The following SEC24D variants were observed in gnomAD, a reference collection of about 807,000 sequenced individuals.
SEC24D encodes SEC24 homolog D, COPII component, also known as protein transport protein Sec24D.
SEC24D carries 69 observed loss-of-function variants against 116.9 expected under a neutral mutation model. The ratio of observed to expected loss-of-function variants is 0.59; its 90% confidence interval spans 0.49 to 0.72. SEC24D has a LOEUF of 0.72. Among genes scored for constraint, SEC24D ranks in the 30% least tolerant of loss-of-function variants. SEC24D has a pLI of 0.00. For missense variants in SEC24D, 1,131 were observed against 1,264.1 expected (o/e 0.89, Z 1.60); for synonymous variants, 405 against 442.8 (o/e 0.91, Z 1.07).
At chr4:118,728,356 T>C (rs1378800665) in intron 22 of SEC24D, among the ~76,000 whole-genome samples, 2 of 152,198 alleles carry the variant, frequency 1.3e-5, no homozygotes, top group African/African-American at 2.4e-5. Context: ...TAACCCATGG[T>C]AATAGCCATT....
intron 20 of SEC24D, among the ~76,000 whole-genome samples, chr4:118,732,450 A>G (rs892156670): frequency 2.6e-5 from 4 of 152,112 alleles, no homozygotes; most frequent in African/African-American, 9.7e-5. Context: ...AGAGCTGACA[A>G]TTATTTTAAC....
chr4:118,820,102 C>T (rs1471297065), intron 3 of SEC24D, among the ~76,000 whole-genome samples: 1 of 150,848 alleles, frequency 6.6e-6, no homozygotes, highest in Non-Finnish European at 1.5e-5. Flanking sequence ...AAATGGCTAA[C>T]AAACCCCTCA....
rs534855763 is a variant in SEC24D, at chr4:118,741,990, T to C, written c.1996-953A>G. On this transcript the variant is annotated intron_variant, in intron 15 of 22. Transcript: ENST00000280551. ...GGCAGCATAGGCAACATTAACACTC[T>C]TTTATTATAAAATATTTTACTGCCT... 1.6e-4 allele frequency among the ~76,000 whole-genome samples: 24 copies of C among 152,320 alleles called. No individual in the cohort carries two copies. The South Asian group carries it at 3.5e-3, about 22-fold the overall frequency.
chr4:118,825,038 A>G (rs1730542506), intron 2 of SEC24D, among the ~76,000 whole-genome samples: 1 of 152,252 alleles, frequency 6.6e-6, no homozygotes, highest in African/African-American at 2.4e-5. Flanking sequence ...GCACCTTGAT[A>G]AAGTATATTA....
At chr4:118,736,542 T>C in intron 19 of SEC24D, 1 of 322,030 alleles carries the variant, frequency 3.1e-6, no homozygotes, top group Non-Finnish European at 6.0e-6. Context: ...TCTCTCCATC[T>C]TCATAGATAT....
chr4:118,741,175 C>T, intron 15 of SEC24D, 138 bp from the exon 16 acceptor site: 1 of 475,360 alleles, frequency 2.1e-6, no homozygotes, highest in Non-Finnish European at 3.7e-6. Flanking sequence ...TATTATGCTT[C>T]TTTGGTTAAA....
chr4:118,802,995 A>C (rs910085294), intron 7 of SEC24D, among the ~76,000 whole-genome samples: 4 of 152,214 alleles, frequency 2.6e-5, no homozygotes, highest in Non-Finnish European at 5.9e-5. Flanking sequence ...CAGACAGAAA[A>C]GGGCAAATAT....
intron 8 of SEC24D, among the ~76,000 whole-genome samples, chr4:118,772,775 G>A (rs949584114): frequency 1.1e-4 from 16 of 152,192 alleles, no homozygotes; most frequent in Admixed American, 4.6e-4. Context: ...AGTACACTGC[G>A]ATGAAGAAAA....
chr4:118,788,676 T>C (rs1365513995), intron 8 of SEC24D, among the ~76,000 whole-genome samples: 1 of 152,242 alleles, frequency 6.6e-6, no homozygotes, highest in East Asian at 1.9e-4. Context: ...TGAACAGGGT[T>C]ATAAATGAAG....
chr4:118,789,482 T>C (rs1337580421), intron 8 of SEC24D, among the ~76,000 whole-genome samples: 1 of 152,260 alleles, frequency 6.6e-6, no homozygotes, highest in Non-Finnish European at 1.5e-5. Flanking sequence ...TTGACATCCA[T>C]TCCTTTTTCC....
chr4:118,739,222 GT>G lies in SEC24D; in HGVS notation c.2303del (p.Asn768ThrfsTer6). 6.2e-7 allele frequency: 1 copy of G among 1,613,618 alleles called. No homozygotes were observed. Among genetic ancestry groups the G allele is most frequent in the Non-Finnish European group, 8.5e-7 (1 of 1,179,604 alleles). On this transcript the variant is annotated frameshift_variant, in exon 18 of 23. Coordinates refer to ENST00000280551, the MANE Select transcript of SEC24D (RefSeq NM_014822.4). LOFTEE classifies it high-confidence loss of function. Reference protein sequence around the residue: ...RRLRIHNLGLNCSSQLADLYK... With the variant: ...RRLRIHNLGLXCSSQLADLYK... ...AAAGATCAGCTAGCTGAGAGCTGCA[GT>G]TTAAGCCAAGATTGTGAATCCGAAG... is the stretch of plus-strand genomic sequence containing the variant.
At position 118,792,260 on chromosome 4, in the gene SEC24D, G is replaced by A. The variant is rs1305202110; in HGVS notation, c.1041+5423C>T. Among the ~76,000 whole-genome samples, 8 of 148,776 alleles carry A rather than the reference G, an allele frequency of 5.4e-5. No homozygotes were observed. The East Asian group carries it at 8.2e-4, about 15-fold the overall frequency. The stretch of plus-strand genomic sequence containing the variant: ...AGACCCTCCGCCCGGCAGCCGCCCC[G>A]TCCGGGAGGTGGGGGGCAGCCCCCG... On this transcript the variant is annotated intron_variant, in intron 8 of 22. Coordinates refer to ENST00000280551, the MANE Select transcript of SEC24D (RefSeq NM_014822.4).
chr4:118,739,000 G>T, intron 18 of SEC24D, 149 bp downstream of exon 18: 1 of 702,512 alleles, frequency 1.4e-6, no homozygotes, highest in Non-Finnish European at 2.4e-6. Flanking sequence ...AGTTAGGAAT[G>T]CTGACTATTC....
At chr4:118,817,213 A>C (rs1730186995) in intron 4 of SEC24D, 51 bp downstream of exon 4, 2 of 1,462,642 alleles carry the variant, frequency 1.4e-6, no homozygotes, top group Admixed American at 2.3e-5. Flanking sequence ...CTCTCATTAA[A>C]AATGACCAGG....
At position 118,728,420 on chromosome 4, in the gene SEC24D, T is replaced by C. The variant is rs911255898; in HGVS notation, c.2958+141A>G. 5.2e-5 allele frequency: 31 copies of C among 598,920 alleles called. 1 individual carries two copies. In the Admixed American group the frequency reaches 9.5e-4, roughly 18 times the overall value. 37.1% of individuals were successfully genotyped at this position (598,920 alleles called of 1,614,324 possible). On this transcript the variant is annotated intron_variant, in intron 22 of 22. Transcript: ENST00000280551. ...ATACTTAGAGGTTAATGTGAGGTTTTTTTAACTTTTATTTTAGATTTGTGA... is the reference window on the plus strand; with the variant it reads ...ATACTTAGAGGTTAATGTGAGGTTTCTTTAACTTTTATTTTAGATTTGTGA...
chr4:118,789,824 T>G (rs1052453507), intron 8 of SEC24D, among the ~76,000 whole-genome samples: 1 of 152,198 alleles, frequency 6.6e-6, no homozygotes, highest in African/African-American at 2.4e-5. Flanking sequence ...GACCTCGTGA[T>G]CCACCCACCT....
Position 118,810,481 on chromosome 4 carries a change from G to A in SEC24D, c.802-4527C>T, listed in dbSNP as rs115805354. ...CCTGAGGAGCCAGAAGAATGGAATT[G>A]GATCTGGATTTCAGGGAAAAGGTCT... On this transcript the variant is annotated intron_variant, in intron 6 of 22. Transcript: ENST00000280551. Among the ~76,000 whole-genome samples the A allele has an allele frequency of 1.2e-3, 183 of 152,290 alleles. 1 individual carries two copies. The highest frequency in any genetic ancestry group is 1.3e-3 in the Non-Finnish European group (90 of 68,018).
intron 1 of SEC24D, 126 bp from the exon 2 acceptor site, chr4:118,833,863 A>T: frequency 1.8e-6 from 1 of 558,854 alleles, no homozygotes; most frequent in Admixed American, 3.4e-5. Flanking sequence ...CAGGTACATG[A>T]GAAATCTTTG....
At chr4:118,829,836 C>T (rs889306541) in intron 2 of SEC24D, among the ~76,000 whole-genome samples, 2 of 151,788 alleles carry the variant, frequency 1.3e-5, no homozygotes, top group African/African-American at 4.8e-5. Flanking sequence ...TGTTAGTATA[C>T]AGCACTAGCT....
Sources: gnomAD v4.1 joint callset for allele counts (sites outside exome capture counted in the v4.1 genomes callset) on GRCh38, gnomAD v4.1.1 for gene constraint, MANE v1.5 for transcripts, NCBI Gene and HGNC (gene_info 2026-07-23, HGNC 2026-07-21) for gene names.